The following WDR64 variants were observed in gnomAD, a reference collection of about 807,000 sequenced individuals.
WDR64 encodes WD repeat-containing protein 64.
Under a neutral mutation model 139.3 loss-of-function variants are expected in WDR64, and 112 were observed. The ratio of observed to expected loss-of-function variants is 0.80; its 90% CI spans 0.69 to 0.94. WDR64 has a LOEUF of 0.94. Ranked by LOEUF, WDR64 falls within the 40% of genes least tolerant of loss-of-function variation. WDR64 has a pLI of 0.00. For synonymous variants in WDR64, 444 were observed against 437.7 expected (o/e 1.01, Z -0.18); for missense variants, 1,206 against 1,293.1 (o/e 0.93, Z 1.03).
chr1:241,761,996 G>A (rs1246452628), intron 15 of WDR64, among the ~76,000 whole-genome samples: 4 of 152,152 alleles, frequency 2.6e-5, no homozygotes, highest in African/African-American at 9.7e-5. Flanking sequence ...TCCTGTCCAT[G>A]TTGCTATTTT....
intron 13 of WDR64, among the ~76,000 whole-genome samples, chr1:241,749,286 T>C (rs1006955048): frequency 1.3e-5 from 2 of 152,194 alleles, no homozygotes; most frequent in Non-Finnish European, 2.9e-5. Flanking sequence ...AAAAGCTTAG[T>C]AGGAGAGCCT....
In WDR64 at chr1:241,730,459, G is replaced by T. The variant is rs114228026; in HGVS notation, c.1194+7023G>T. Among the ~76,000 whole-genome samples the T allele has an allele frequency of 5.7e-3, 864 of 152,264 alleles. 6 individuals are homozygous for T. The highest frequency in any genetic ancestry group is 0.02 in the African/African-American group (825 of 41,550). On this transcript the variant is annotated intron_variant, in intron 10 of 27. Transcript: ENST00000437684. Reference sequence around the variant, plus strand: ...TGTAATTTTTATTGCGTTTCTGAGTGTCTTTATTTTATCCTCTAGACTTTC... The same window carrying T: ...TGTAATTTTTATTGCGTTTCTGAGTTTCTTTATTTTATCCTCTAGACTTTC...
rs186724712 is a variant in WDR64 at position 241,777,246 on chromosome 1, T to C, written c.2536+2036T>C. On this transcript the variant is annotated intron_variant, in intron 21 of 27. Coordinates refer to ENST00000437684, the MANE Select transcript of WDR64 (RefSeq NM_001367482.1). ...GCTAAGACTACAGGTGTATGCTTTT[T>C]TTTTCCTGTAGAGACAGGTCTTACT... is the stretch of plus-strand genomic sequence containing the variant. 2.0e-5 allele frequency among the ~76,000 whole-genome samples: 3 copies of C among 151,990 alleles called. No individual in the cohort carries two copies. The East Asian group carries it at 5.9e-4, about 30-fold the overall frequency.
intron 15 of WDR64, among the ~76,000 whole-genome samples, chr1:241,764,878 G>C (rs55773423): frequency 6.6e-6 from 1 of 152,014 alleles, no homozygotes; most frequent in African/African-American, 2.4e-5. Context: ...GAAAAATAGC[G>C]CTAACCAATG....
rs2148174285 is a variant in WDR64 at position 241,711,840 on chromosome 1, C to CT, written c.1018dup (p.Cys340LeufsTer5). The CT allele has an allele frequency of 6.2e-7, 1 of 1,614,182 alleles. No homozygotes were observed. Among genetic ancestry groups the CT allele is most frequent in the South Asian group, 1.1e-5 (1 of 91,078 alleles). ...TTTTCCATGCCAAGAGGAGCCAACA[C>CT]TTTTTGCTACTGTGTTAAGGCAAAT... On this transcript the variant is annotated frameshift_variant, in exon 9 of 28. Transcript: ENST00000437684. LOFTEE classifies it high-confidence loss of function.
At chr1:241,771,903 T>C (rs1459676329) in intron 19 of WDR64, among the ~76,000 whole-genome samples, 4 of 135,768 alleles carry the variant, frequency 2.9e-5, no homozygotes, top group African/African-American at 8.0e-5. Flanking sequence ...TATACATACA[T>C]ACACACATAT....
chr1:241,684,331 A>G (rs1666927267), intron 7 of WDR64, among the ~76,000 whole-genome samples: 1 of 152,260 alleles, frequency 6.6e-6, no homozygotes, highest in Non-Finnish European at 1.5e-5. Context: ...TGCACACAGT[A>G]CAAATGGTCA....
At chr1:241,753,124 A>G (rs552516039) in intron 14 of WDR64, among the ~76,000 whole-genome samples, 74 of 152,304 alleles carry the variant, frequency 4.9e-4, no homozygotes, top group African/African-American at 1.8e-3. Flanking sequence ...AAAAAATGGA[A>G]GGACTTTTAT....
intron 2 of WDR64, 151 bp from the exon 3 acceptor site, chr1:241,670,923 T>C: frequency 1.8e-6 from 1 of 554,434 alleles, no homozygotes; most frequent in Non-Finnish European, 3.1e-6. Flanking sequence ...TATTAAACTG[T>C]CTCCTGGTAT....
At chr1:241,657,449 G>A (rs1342198771) in intron 1 of WDR64, among the ~76,000 whole-genome samples, 1 of 152,110 alleles carries the variant, frequency 6.6e-6, no homozygotes, top group Non-Finnish European at 1.5e-5. Flanking sequence ...CTTCGCCCCT[G>A]GTCTCACCTC....
At chr1:241,683,864 TACACAC>T (rs11473073) in intron 7 of WDR64, among the ~76,000 whole-genome samples, 163 bp downstream of exon 7, 29 of 145,560 alleles carry the variant, frequency 2.0e-4, no homozygotes, top group African/African-American at 7.1e-4. Flanking sequence ...TGTTCATGTA[TACACAC>T]ACACACACAC....
rs745879543 is a variant in WDR64, at chr1:241,749,719, C to G, written c.1767C>G (p.Ile589Met). ...AGCGCAACGGGACTATCAAAATGAT[C>G]CAGGTTTACAATCCCACTTCATACT... Reference protein sequence around the residue: ...ALERNGTIKMIQGKEDDIYLM... With the variant: ...ALERNGTIKMMQGKEDDIYLM... The change falls in exon 14 of 28, where the codon ATC becomes ATG. Residue 589 changes from isoleucine (I) to methionine (M), a missense_variant. Coordinates refer to ENST00000437684, the MANE Select transcript of WDR64 (RefSeq NM_001367482.1). 2.5e-6 allele frequency: 4 copies of G among 1,613,314 alleles called. No individual in the cohort carries two copies. Among genetic ancestry groups the G allele is most frequent in the Non-Finnish European group, 1.7e-6 (2 of 1,179,728 alleles).
chr1:241,740,375 T>G (rs1000970653), intron 11 of WDR64, among the ~76,000 whole-genome samples: 5 of 152,264 alleles, frequency 3.3e-5, no homozygotes, highest in African/African-American at 1.2e-4. Flanking sequence ...GGTTACCATA[T>G]TCTGCTCACA....
chr1:241,700,933 T>C (rs1667686512), intron 8 of WDR64, among the ~76,000 whole-genome samples: 1 of 152,154 alleles, frequency 6.6e-6, no homozygotes, highest in Admixed American at 6.5e-5. Context: ...AAATAATAAA[T>C]ACCCCAACAC....
intron 6 of WDR64, 149 bp downstream of exon 6, chr1:241,679,744 C>A: frequency 1.5e-6 from 1 of 656,384 alleles, no homozygotes; most frequent in Non-Finnish European, 2.6e-6. Context: ...TCAAGTTCAG[C>A]ATGTATACTC....
intron 14 of WDR64, among the ~76,000 whole-genome samples, chr1:241,753,991 G>C (rs1670076754): frequency 6.6e-6 from 1 of 151,932 alleles, no homozygotes; most frequent in African/African-American, 2.4e-5. Flanking sequence ...AAAGACCATT[G>C]CACTCTAGCT....
At chr1:241,766,720 A>G (rs6429307) in intron 16 of WDR64, among the ~76,000 whole-genome samples, 103,439 of 149,080 alleles carry the variant, frequency 0.69, 35,866 homozygotes, top group Middle Eastern at 0.76. Context: ...AAAAAAAAAA[A>G]CCTCAGGGGA....
At chr1:241,781,180 T>C (rs914159356) in intron 22 of WDR64, among the ~76,000 whole-genome samples, 1 of 152,214 alleles carries the variant, frequency 6.6e-6, no homozygotes, top group Non-Finnish European at 1.5e-5. Flanking sequence ...ACAACTGAGA[T>C]CTTTCAAACT....
At chr1:241,687,419 T>C (rs1466506124) in intron 7 of WDR64, 42 bp from the exon 8 acceptor site, 2 of 1,609,142 alleles carry the variant, frequency 1.2e-6, no homozygotes, top group East Asian at 2.2e-5. Context: ...TATACGTTTG[T>C]GTGTCTAACA....
Sources: gnomAD v4.1 joint callset for allele counts (sites outside exome capture counted in the v4.1 genomes callset) on GRCh38, gnomAD v4.1.1 for gene constraint, MANE v1.5 for transcripts, NCBI Gene and HGNC (gene_info 2026-07-23, HGNC 2026-07-21) for gene names.